ADCY5: variants seen among roughly 807,000 people sequenced by gnomAD.
The protein encoded by ADCY5 is adenylate cyclase 5.
A neutral mutation model predicts 119.7 loss-of-function variants in ADCY5; 30 were observed. The ratio of observed to expected loss-of-function variants is 0.25; its 90% CI spans 0.19 to 0.34. The LOEUF is 0.34. Ranked by LOEUF, ADCY5 falls within the 10% of genes least tolerant of loss-of-function variation. The probability of loss-of-function intolerance (pLI) is 1.00; values close to 1 mark genes in which losing one functional copy is unlikely to be tolerated. For missense variants in ADCY5, 1,324 were observed against 1,775.2 expected (o/e 0.75, Z 4.57); for synonymous variants, 753 against 762.2 (o/e 0.99, Z 0.20).
At chr3:123,365,825 A>G (rs1237747637) in intron 1 of ADCY5, among the ~76,000 whole-genome samples, 1 of 152,114 alleles carries the variant, frequency 6.6e-6, no homozygotes, top group Non-Finnish European at 1.5e-5. Flanking sequence ...AGGGACAGCG[A>G]GTGGGTCACA....
intron 17 of ADCY5, among the ~76,000 whole-genome samples, chr3:123,293,749 T>C (rs528999442): frequency 3.7e-4 from 57 of 152,278 alleles, no homozygotes; most frequent in Admixed American, 7.2e-4. Context: ...CTCAGGATTA[T>C]TAAAAACAGA....
At chr3:123,315,283 T>G (rs1940852958) in intron 11 of ADCY5, among the ~76,000 whole-genome samples, 1 of 152,220 alleles carries the variant, frequency 6.6e-6, no homozygotes, top group Non-Finnish European at 1.5e-5. Flanking sequence ...AGCCCGGCAC[T>G]TAGCTGCCTT....
At chr3:123,358,931 C>G (rs548108012) in intron 1 of ADCY5, among the ~76,000 whole-genome samples, 1 of 152,274 alleles carries the variant, frequency 6.6e-6, no homozygotes, top group South Asian at 2.1e-4. Flanking sequence ...GCACTGTGAT[C>G]GTTTCTGCCT....
Position 123,304,354 on chromosome 3 carries a change from G to A in ADCY5, c.2443-171C>T, listed in dbSNP as rs575237355. ...GCCTGCAAGGCTCCAGCCTTGAACC[G>A]CTGCACCATTGCTTCCAGGTCAACG... is the stretch of plus-strand genomic sequence containing the variant. On this transcript the variant is annotated intron_variant, in intron 12 of 20. Coordinates refer to ENST00000462833, the MANE Select transcript of ADCY5 (RefSeq NM_183357.3). Among the ~76,000 whole-genome samples the A allele has an allele frequency of 1.0e-3, 153 of 152,280 alleles. 1 individual carries two copies. The highest frequency in any genetic ancestry group is 2.7e-3 in the Admixed American group (42 of 15,296).
chr3:123,380,913 C>T (rs573716049), intron 1 of ADCY5, among the ~76,000 whole-genome samples: 1 of 152,170 alleles, frequency 6.6e-6, no homozygotes, highest in African/African-American at 2.4e-5. Flanking sequence ...GGGTTAATGA[C>T]AGGTCAGGAG....
At chr3:123,365,130 G>T (rs1299005594) in intron 1 of ADCY5, among the ~76,000 whole-genome samples, 1 of 151,936 alleles carries the variant, frequency 6.6e-6, no homozygotes, top group Non-Finnish European at 1.5e-5. Flanking sequence ...GACGAGGTTT[G>T]TATATTTAGT....
intron 1 of ADCY5, among the ~76,000 whole-genome samples, chr3:123,370,983 A>G (rs564953195): frequency 1.3e-5 from 2 of 152,246 alleles, no homozygotes; most frequent in Admixed American, 1.3e-4. Flanking sequence ...GCATCTGAGC[A>G]GTGCTCCTGA....
intron 9 of ADCY5, 123 bp downstream of exon 9, chr3:123,320,626 C>T (rs1941168414): frequency 2.2e-6 from 3 of 1,372,592 alleles, no homozygotes; most frequent in South Asian, 1.2e-5. Context: ...GCTCCATTCA[C>T]TCTCAGCTAA....
intron 1 of ADCY5, among the ~76,000 whole-genome samples, chr3:123,405,143 G>C (rs559114863): frequency 6.6e-6 from 1 of 152,254 alleles, no homozygotes; most frequent in Non-Finnish European, 1.5e-5. Flanking sequence ...GAGCAGCCCT[G>C]AAAACAGAGC....
At chr3:123,378,628 A>G (rs1054359578) in intron 1 of ADCY5, among the ~76,000 whole-genome samples, 3 of 152,180 alleles carry the variant, frequency 2.0e-5, no homozygotes, top group Non-Finnish European at 2.9e-5. Context: ...GGGCAGTTTG[A>G]CACTGTCTTA....
intron 1 of ADCY5, among the ~76,000 whole-genome samples, chr3:123,446,783 C>T (rs1471493624): frequency 6.6e-6 from 1 of 152,214 alleles, no homozygotes; most frequent in East Asian, 1.9e-4. Flanking sequence ...CCACCACACA[C>T]ATCTCGGAGG....
At chr3:123,321,255 T>A (rs910939964) in intron 8 of ADCY5, among the ~76,000 whole-genome samples, 2 of 152,070 alleles carry the variant, frequency 1.3e-5, no homozygotes, top group African/African-American at 4.8e-5. Flanking sequence ...AGTTCGCACA[T>A]TTTGCACTTA....
intron 12 of ADCY5, among the ~76,000 whole-genome samples, chr3:123,308,664 C>A (rs989586798): frequency 1.3e-5 from 2 of 152,012 alleles, no homozygotes; most frequent in Non-Finnish European, 2.9e-5. Flanking sequence ...CATGTCTCTA[C>A]TAAAAATACA....
At position 123,283,436 on chromosome 3, in the gene ADCY5, C is replaced by CATCT; in HGVS notation, c.*1168_*1171dup. 1 of 152,026 alleles carries CATCT rather than the reference C, an allele frequency of 6.6e-6. No homozygotes were observed. Among genetic ancestry groups the CATCT allele is most frequent in the East Asian group, 1.9e-4 (1 of 5,200 alleles). 9.4% of individuals were successfully genotyped at this position (152,026 alleles called of 1,614,324 possible). A position where few individuals can be genotyped will look rare whatever the true frequency, so the allele number is the denominator to read the frequency against. Reference sequence around the variant, plus strand: ...AAAGCAGCTTTTTGTTTTCTTATTCCATCTGCGTTTTGCTTAGGGGAAGGA... The same window carrying CATCT: ...AAAGCAGCTTTTTGTTTTCTTATTCCATCTATCTGCGTTTTGCTTAGGGGAAGGA... On this transcript the variant is annotated 3_prime_UTR_variant, in exon 21 of 21. Transcript: ENST00000462833.
At chr3:123,347,988 G>A (rs564076778) in intron 2 of ADCY5, 85 bp from the exon 3 acceptor site, 10 of 1,551,416 alleles carry the variant, frequency 6.4e-6, no homozygotes, top group Non-Finnish European at 7.0e-6. Context: ...GCCCCTGCCT[G>A]AGGGCCCTGG....
chr3:123,308,326 T>C lies in ADCY5; in HGVS notation c.2443-4143A>G, dbSNP rs138642552. Among the ~76,000 whole-genome samples, 644 of 151,444 alleles carry C rather than the reference T, an allele frequency of 4.3e-3. 5 individuals are homozygous for C. The highest frequency in any genetic ancestry group is 0.022 in the South Asian group (106 of 4,716). ...TGCTGGGATTACAGGCGTGAGCCAC[T>C]GCACCCGGCCACACTCTACACTCTT... On this transcript the variant is annotated intron_variant, in intron 12 of 20. Coordinates refer to ENST00000462833, the MANE Select transcript of ADCY5 (RefSeq NM_183357.3).
intron 14 of ADCY5, among the ~76,000 whole-genome samples, chr3:123,300,520 G>A (rs187963085): frequency 2.6e-5 from 4 of 152,348 alleles, no homozygotes; most frequent in Admixed American, 2.0e-4. Flanking sequence ...ACAGCCCCAC[G>A]TTACAGCTGC....
intron 17 of ADCY5, among the ~76,000 whole-genome samples, chr3:123,295,402 T>C (rs1939436958): frequency 6.6e-6 from 1 of 152,188 alleles, no homozygotes; most frequent in African/African-American, 2.4e-5. Context: ...TGCTGAGTGC[T>C]CTTGGGCACT....
At chr3:123,303,566 C>T (rs1559789824) in intron 13 of ADCY5, among the ~76,000 whole-genome samples, 2 of 152,146 alleles carry the variant, frequency 1.3e-5, no homozygotes, top group Non-Finnish European at 2.9e-5. Flanking sequence ...AATCCCAGTA[C>T]TTTGAGAGGC....
Sources: gnomAD v4.1 joint callset for allele counts (sites outside exome capture counted in the v4.1 genomes callset) on GRCh38, gnomAD v4.1.1 for gene constraint, MANE v1.5 for transcripts, NCBI Gene and HGNC (gene_info 2026-07-23, HGNC 2026-07-21) for gene names.